RPS6KA5: variants seen among roughly 807,000 people sequenced by gnomAD.
RPS6KA5 encodes the protein ribosomal protein S6 kinase alpha-5.
Under a neutral mutation model 85.5 loss-of-function variants are expected in RPS6KA5, and 27 were observed. The ratio of observed to expected loss-of-function variants is 0.32; its 90% CI spans 0.23 to 0.44. The LOEUF (loss-of-function observed/expected upper bound fraction) is 0.44. Among genes scored for constraint, RPS6KA5 ranks in the 20% least tolerant of loss-of-function variants. RPS6KA5 has a pLI of 1.00. For missense variants in RPS6KA5, 811 were observed against 980.9 expected, an observed-to-expected ratio of 0.83 and a Z score of 2.31; for synonymous variants, 334 against 348.2, an observed-to-expected ratio of 0.96 and a Z score of 0.46.
At chr14:90,895,091 T>C (rs1370597897) in intron 12 of RPS6KA5, among the ~76,000 whole-genome samples, 1 of 151,920 alleles carries the variant, frequency 6.6e-6, no homozygotes, top group Non-Finnish European at 1.5e-5. Flanking sequence ...CTTTAAATAA[T>C]ACAGAATCTG....
Position 90,957,570 on chromosome 14 carries a change from G to C in RPS6KA5, c.395-10020C>G, listed in dbSNP as rs2038589021. Among the ~76,000 whole-genome samples the C allele has an allele frequency of 2.6e-5, 4 of 152,152 alleles. No individual in the cohort carries two copies. In the South Asian group the frequency reaches 8.3e-4, roughly 32 times the overall value. ...CCTCTTGCTGGTATTACACCCAGCT[G>C]TTAGGACCCACTAATTGCTGGCTGG... On this transcript the variant is annotated intron_variant, in intron 3 of 16. Coordinates refer to ENST00000614987, the MANE Select transcript of RPS6KA5 (RefSeq NM_004755.4).
intron 7 of RPS6KA5, among the ~76,000 whole-genome samples, chr14:90,913,770 T>C (rs2035960483): frequency 6.6e-6 from 1 of 152,132 alleles, no homozygotes; most frequent in South Asian, 2.1e-4. Context: ...ATGATAGTGA[T>C]GGAAGAGAGT....
intron 5 of RPS6KA5, among the ~76,000 whole-genome samples, chr14:90,937,062 A>T (rs1157261556): frequency 2.6e-5 from 4 of 152,094 alleles, no homozygotes; most frequent in Admixed American, 2.6e-4. Flanking sequence ...AGTACCTAGG[A>T]CTGAGCTGAG....
At chr14:90,978,008 T>C (rs537238397) in intron 3 of RPS6KA5, among the ~76,000 whole-genome samples, 48 of 152,188 alleles carry the variant, frequency 3.2e-4, no homozygotes, top group African/African-American at 1.1e-3. Flanking sequence ...TGAGCTGAGA[T>C]TGTGCCACTG....
At chr14:90,895,879 C>T (rs1032399964) in intron 12 of RPS6KA5, among the ~76,000 whole-genome samples, 8 of 152,042 alleles carry the variant, frequency 5.3e-5, no homozygotes, top group African/African-American at 1.9e-4. Flanking sequence ...GACAGAGACC[C>T]TGTCTCAAAA....
intron 1 of RPS6KA5, among the ~76,000 whole-genome samples, chr14:91,046,899 G>A (rs903743079): frequency 4.6e-5 from 7 of 151,714 alleles, no homozygotes; most frequent in Non-Finnish European, 7.4e-5. Context: ...AAACAGGCCC[G>A]GCATGGTGGC....
intron 7 of RPS6KA5, among the ~76,000 whole-genome samples, chr14:90,919,872 C>G (rs1238903330): frequency 2.0e-5 from 3 of 152,078 alleles, no homozygotes; most frequent in African/African-American, 7.2e-5. Context: ...ATTACATATA[C>G]AGTAGAGAAA....
Position 90,965,885 on chromosome 14 carries a change from G to C in RPS6KA5, c.394+12421C>G, listed in dbSNP as rs140498096. On this transcript the variant is annotated intron_variant, in intron 3 of 16. Transcript: ENST00000614987. ...ATAGGAAAGGCTCAAAAGAAGGTAG[G>C]GCTCAGAGGGGATTTAAAAAATGCT... 1.5e-3 allele frequency among the ~76,000 whole-genome samples: 230 copies of C among 152,222 alleles called. 1 individual carries two copies. The highest frequency in any genetic ancestry group is 0.014 in the Middle Eastern group (4 of 294).
intron 3 of RPS6KA5, among the ~76,000 whole-genome samples, chr14:90,963,472 T>C (rs2038908190): frequency 6.6e-6 from 1 of 152,218 alleles, no homozygotes. Flanking sequence ...CCACTCATTT[T>C]AGCATCAAGT....
intron 13 of RPS6KA5, among the ~76,000 whole-genome samples, chr14:90,892,431 T>A (rs2034614788): frequency 6.6e-6 from 1 of 152,214 alleles, no homozygotes; most frequent in African/African-American, 2.4e-5. Context: ...ACCTCTTCTC[T>A]CAAAGCTCAA....
chr14:90,944,060 C>T (rs1468950568), intron 4 of RPS6KA5, among the ~76,000 whole-genome samples: 1 of 152,126 alleles, frequency 6.6e-6, no homozygotes, highest in Non-Finnish European at 1.5e-5. Flanking sequence ...AATTAAGTAA[C>T]ATTTATAGAT....
intron 13 of RPS6KA5, among the ~76,000 whole-genome samples, chr14:90,892,468 G>T (rs752447167): frequency 6.6e-6 from 1 of 152,222 alleles, no homozygotes; most frequent in Non-Finnish European, 1.5e-5. Flanking sequence ...ACATGGAGGA[G>T]GGTGTGCCTA....
At chr14:91,050,492 A>G (rs1190960248) in intron 1 of RPS6KA5, among the ~76,000 whole-genome samples, 1 of 152,210 alleles carries the variant, frequency 6.6e-6, no homozygotes, top group East Asian at 1.9e-4. Flanking sequence ...GCAGTGGCAC[A>G]ATCTCGGCTC....
chr14:91,006,168 CAATT>C (rs1295646274), intron 1 of RPS6KA5, among the ~76,000 whole-genome samples: 1 of 152,162 alleles, frequency 6.6e-6, no homozygotes, highest in Non-Finnish European at 1.5e-5. Context: ...CAGATGGGCA[CAATT>C]AATAGGTAGA....
chr14:90,928,427 A>AGAGAAGAAAAATAGAAGGCTT (rs1481698353), intron 5 of RPS6KA5, among the ~76,000 whole-genome samples: 3 of 151,994 alleles, frequency 2.0e-5, no homozygotes, highest in Non-Finnish European at 4.4e-5. Flanking sequence ...CATCAAAGAA[A>AGAGAAGAAAAATAGAAGGCTT]GAGAAGAAAA....
At chr14:90,923,275 G>A in intron 5 of RPS6KA5, 79 bp from the exon 6 acceptor site, 1 of 1,132,824 alleles carries the variant, frequency 8.8e-7, no homozygotes, top group Non-Finnish European at 1.3e-6. Flanking sequence ...ATACATGTTA[G>A]TGGTTGAGAT....
intron 2 of RPS6KA5, among the ~76,000 whole-genome samples, chr14:90,998,254 T>C (rs2040621260): frequency 1.3e-5 from 2 of 152,196 alleles, no homozygotes; most frequent in African/African-American, 4.8e-5. Flanking sequence ...AGGGTTTCTT[T>C]CTGAAGTAAG....
chr14:91,030,607 A>AAC (rs2042145574), intron 1 of RPS6KA5, among the ~76,000 whole-genome samples: 2 of 135,090 alleles, frequency 1.5e-5, no homozygotes, highest in Non-Finnish European at 3.2e-5. Context: ...CACCAAAATA[A>AAC]ACAGAAAAAA....
chr14:90,903,576 C>T (rs557762362), intron 8 of RPS6KA5, among the ~76,000 whole-genome samples: 2 of 152,358 alleles, frequency 1.3e-5, no homozygotes, highest in East Asian at 3.9e-4. Context: ...ATTTTAAACA[C>T]TGCCTCTTAT....
Sources: allele counts gnomAD v4.1 joint callset (sites outside exome capture counted in the v4.1 genomes callset), GRCh38; gene constraint gnomAD v4.1.1; transcripts MANE v1.5; gene names NCBI Gene and HGNC (gene_info 2026-07-23, HGNC 2026-07-21).